The following CREBZF variants were observed in gnomAD, a reference collection of about 807,000 sequenced individuals.
The protein encoded by CREBZF is CREB/ATF bZIP transcription factor, also known as HCF-binding transcription factor Zhangfei.
Under a neutral mutation model 21.1 loss-of-function variants are expected in CREBZF, and 8 were observed. The ratio of observed to expected loss-of-function variants is 0.38; its 90% CI spans 0.22 to 0.68. CREBZF has a LOEUF of 0.68. CREBZF is among the 30% of genes least tolerant of loss of function. The probability of loss-of-function intolerance (pLI) is 0.51; values close to 1 mark genes in which losing one functional copy is unlikely to be tolerated. For missense variants in CREBZF, 518 were observed against 484.3 expected, an observed-to-expected ratio of 1.07 and a Z score of -0.65; for synonymous variants, 270 against 223.3, an observed-to-expected ratio of 1.21 and a Z score of -1.86.
upstream of CREBZF, among the ~76,000 whole-genome samples, chr11:85,665,551 C>T (rs2082848543): frequency 6.7e-6 from 1 of 148,936 alleles, no homozygotes; most frequent in African/African-American, 2.5e-5. Flanking sequence ...TACTAGATGT[C>T]CTCAGTTGGA....
chr11:85,675,018 G>T (rs1349021945), intron 1 of CREBZF, among the ~76,000 whole-genome samples: 1 of 152,196 alleles, frequency 6.6e-6, no homozygotes, highest in Non-Finnish European at 1.5e-5. Flanking sequence ...CTAGGGCCTT[G>T]CTCTGGGTTT....
chr11:85,670,405 A>G (rs932493724), intron 1 of CREBZF, among the ~76,000 whole-genome samples: 2 of 141,560 alleles, frequency 1.4e-5, no homozygotes, highest in East Asian at 4.3e-4. Context: ...CCGGGTTCAC[A>G]CCATTCTCCT....
At position 85,661,789 on chromosome 11, in the gene CREBZF, T is replaced by A. The variant is rs762224491; in HGVS notation, c.*2022A>T. 17 of 152,648 alleles carry A rather than the reference T, an allele frequency of 1.1e-4. No homozygotes were observed. The highest frequency in any genetic ancestry group is 2.1e-4 in the Non-Finnish European group (14 of 67,994). The allele number at this position is 152,648 out of a possible 1,614,324, so 9.5% of individuals were successfully genotyped here. On this transcript the variant is annotated 3_prime_UTR_variant, in exon 1 of 1. Coordinates refer to ENST00000527447, the MANE Select transcript of CREBZF (RefSeq NM_001039618.4). ...AACCTGGTTTTATTATGACACCATA[T>A]TTTTGTCATTGGTACTGCACAAAAT...
rs562209858 is a variant in CREBZF at position 85,681,177 on chromosome 11, G to A, written n.147+1540C>T. ...ATCCTCTTTTCTTTGTGGACCAAGA[G>A]GTGATATCTCAAGTCTGCCCAACTC... On this transcript the variant is annotated intron_variant and non_coding_transcript_variant, in intron 1 of 3. Transcript: ENST00000531515. Among the ~76,000 whole-genome samples the A allele has an allele frequency of 1.2e-4, 18 of 152,262 alleles. No individual in the cohort carries two copies. In the South Asian group the frequency reaches 3.7e-3, roughly 32 times the overall value.
rs915767912 is a variant in CREBZF, at chr11:85,663,424, A to G, written c.*387T>C. The stretch of plus-strand genomic sequence containing the variant: ...ATTTCCCTCCCACCTTCCAAAACAG[A>G]AAAAAAAAAAAAAATCACACACACA... On this transcript the variant is annotated 3_prime_UTR_variant, in exon 1 of 1. Coordinates refer to ENST00000527447, the MANE Select transcript of CREBZF (RefSeq NM_001039618.4). 2.3e-4 allele frequency: 44 copies of G among 191,420 alleles called. No homozygotes were observed. The highest frequency in any genetic ancestry group is 2.1e-3 in the Admixed American group (34 of 16,176). 11.9% of individuals were successfully genotyped at this position (191,420 alleles called of 1,614,324 possible).
chr11:85,675,173 T>C (rs1006246583), intron 1 of CREBZF, among the ~76,000 whole-genome samples: 1 of 152,206 alleles, frequency 6.6e-6, no homozygotes, highest in Admixed American at 6.5e-5. Context: ...CTTCAAATTT[T>C]TTTTCTCAAA....
At chr11:85,682,479 A>G (rs1037392568) in intron 1 of CREBZF, among the ~76,000 whole-genome samples, 2 of 152,186 alleles carry the variant, frequency 1.3e-5, no homozygotes, top group African/African-American at 4.8e-5. Flanking sequence ...AAAACGGCAA[A>G]TAAGGATCAA....
intron 1 of CREBZF, among the ~76,000 whole-genome samples, chr11:85,672,792 G>A (rs2082920653): frequency 6.6e-6 from 1 of 152,192 alleles, no homozygotes; most frequent in African/African-American, 2.4e-5. Context: ...CCTCAGAGAT[G>A]ATGTACCATC....
At position 85,664,665 on chromosome 11, in the gene CREBZF, C is replaced by T. The variant is rs1381461910; in HGVS notation, c.211G>A (p.Gly71Ser). The T allele has an allele frequency of 1.2e-6, 2 of 1,603,546 alleles. No homozygotes were observed. Among genetic ancestry groups the T allele is most frequent in the Non-Finnish European group, 1.7e-6 (2 of 1,174,838 alleles). The change falls in exon 1 of 1, where the codon GGC becomes AGC. Residue 71 changes from glycine to serine, a missense_variant. Physicochemically the swap from Gly to Ser is moderately conservative, Grantham distance 56 (BLOSUM62 0). Coordinates refer to ENST00000527447, the MANE Select transcript of CREBZF (RefSeq NM_001039618.4). The surrounding 1 kb of genome is among the most constrained non-coding windows in gnomAD (Gnocchi z 5.5). Reference sequence around the variant, plus strand: ...GAGGGCGCGCGCACGGCCACGCCGCCGCGGCTCCCCCTCCCGGCTTCCAAC... The same window carrying T: ...GAGGGCGCGCGCACGGCCACGCCGCTGCGGCTCCCCCTCCCGGCTTCCAAC... Reference protein sequence around the residue: ...GELEAGRGSRGGVAVRAPSPE... With the variant: ...GELEAGRGSRSGVAVRAPSPE...
Position 85,662,200 on chromosome 11 carries a change from C to CA in CREBZF, c.*1610dup. ...GGTCTCAAATCGTATTATCTAGCAACAAAACATTTACAGTTGTGCAAGAAC... is the reference window on the plus strand; with the variant it reads ...GGTCTCAAATCGTATTATCTAGCAACAAAAACATTTACAGTTGTGCAAGAAC... On this transcript the variant is annotated 3_prime_UTR_variant, in exon 1 of 1. Transcript: ENST00000527447. 1.8e-6 allele frequency: 1 copy of CA among 559,088 alleles called. No homozygotes were observed. 34.6% of individuals were successfully genotyped at this position (559,088 alleles called of 1,614,324 possible). A position where few individuals can be genotyped will look rare whatever the true frequency, so the allele number is the denominator to read the frequency against.
chr11:85,667,203 C>G (rs553315474), upstream of CREBZF, among the ~76,000 whole-genome samples: 1 of 151,182 alleles, frequency 6.6e-6, no homozygotes, highest in African/African-American at 2.4e-5. Flanking sequence ...CCCCACCCCC[C>G]GCCGCCAACC....
At chr11:85,668,825 A>T (rs2082889560), upstream of CREBZF, among the ~76,000 whole-genome samples, 2 of 150,194 alleles carry the variant, frequency 1.3e-5, no homozygotes, top group African/African-American at 2.4e-5. Context: ...ACACGGTGAA[A>T]CCCCGTCTCT....
Position 85,662,553 on chromosome 11 carries a change from G to C in CREBZF, c.*1258C>G, listed in dbSNP as rs941267812. The C allele has an allele frequency of 3.5e-5, 22 of 624,874 alleles. No homozygotes were observed. In the Admixed American group the frequency reaches 5.0e-4, roughly 14 times the overall value. The allele number at this position is 624,874 out of a possible 1,614,324, so 38.7% of individuals were successfully genotyped here. ...ATTTCTTAATGCCTCTTACACTGAAGGACACCATAATTCAATTTATACAAC... is the reference window on the plus strand; with the variant it reads ...ATTTCTTAATGCCTCTTACACTGAACGACACCATAATTCAATTTATACAAC... On this transcript the variant is annotated 3_prime_UTR_variant, in exon 1 of 1. Transcript: ENST00000527447.
intron 1 of CREBZF, among the ~76,000 whole-genome samples, chr11:85,677,817 A>T (rs2082951362): frequency 6.6e-6 from 1 of 152,160 alleles, no homozygotes; most frequent in Non-Finnish European, 1.5e-5. Context: ...CCTCTCTCCT[A>T]ATGGTTTCAT....
In CREBZF at chr11:85,664,254, T is replaced by C; in HGVS notation, c.622A>G (p.Lys208Glu). The change falls in exon 1 of 1, where the codon AAG (lysine) becomes GAG (glutamate). Residue 208 changes from lysine to glutamate, a missense_variant. Physicochemically the swap from Lys to Glu is moderately conservative, Grantham distance 56. This residue lies in a region of CREBZF where 396 missense variants were observed against 324.4 expected (regional missense o/e 1.22). Coordinates refer to ENST00000527447, the MANE Select transcript of CREBZF (RefSeq NM_001039618.4). This position sits in a 1 kb window ranked among gnomAD's most constrained non-coding sequence, Gnocchi z 5.5. ...SGNDNNQAAT[K>E]SPRKAAAAAA... ...GCCGCCGCCGCCTTCCGGGGACTCT[T>C]TGTCGCCGCCTGGTTGTTGTCGTTA... is the stretch of plus-strand genomic sequence containing the variant. The C allele has an allele frequency of 6.2e-7, 1 of 1,612,590 alleles. No homozygotes were observed. Among genetic ancestry groups the C allele is most frequent in the Non-Finnish European group, 8.5e-7 (1 of 1,179,760 alleles).
chr11:85,680,207 T>C (rs2082967874), intron 1 of CREBZF, among the ~76,000 whole-genome samples: 1 of 152,232 alleles, frequency 6.6e-6, no homozygotes, highest in Non-Finnish European at 1.5e-5. Flanking sequence ...TGTTTTTTTC[T>C]GCATATATCC....
intron 1 of CREBZF, among the ~76,000 whole-genome samples, chr11:85,680,042 C>T (rs969266933): frequency 1.3e-5 from 2 of 152,076 alleles, no homozygotes; most frequent in African/African-American, 2.4e-5. Flanking sequence ...TAACCCTGAC[C>T]ACCTCATTCC....
Position 85,662,581 on chromosome 11 carries a change from G to A in CREBZF, c.*1230C>T, listed in dbSNP as rs948768389. 1 of 554,376 alleles carries A rather than the reference G, an allele frequency of 1.8e-6. No homozygotes were observed. Among genetic ancestry groups the A allele is most frequent in the African/African-American group, 1.9e-5 (1 of 53,640 alleles). The allele number at this position is 554,376 out of a possible 1,614,324, so 34.3% of individuals were successfully genotyped here. On this transcript the variant is annotated 3_prime_UTR_variant, in exon 1 of 1. Coordinates refer to ENST00000527447, the MANE Select transcript of CREBZF (RefSeq NM_001039618.4). ...CACCATAATTCAATTTATACAACTG[G>A]TTAATAGATTCAAGGGAATAAATCC...
At chr11:85,667,982 C>T (rs1164122180), upstream of CREBZF, among the ~76,000 whole-genome samples, 1 of 148,866 alleles carries the variant, frequency 6.7e-6, no homozygotes, top group African/African-American at 2.5e-5. Flanking sequence ...AAAAAAAATC[C>T]ACTTATCAAT....
Sources: allele counts gnomAD v4.1 joint callset (sites outside exome capture counted in the v4.1 genomes callset), GRCh38; gene constraint gnomAD v4.1.1; regional missense constraint gnomAD v4.1.1; non-coding constraint Gnocchi (gnomAD v3.1); transcripts MANE v1.5; gene names NCBI Gene and HGNC (gene_info 2026-07-23, HGNC 2026-07-21).